The following ELMOD3 variants were observed in gnomAD, a reference collection of about 807,000 sequenced individuals.
The protein encoded by ELMOD3 is ELMO domain-containing protein 3.
ELMOD3 carries 36 observed loss-of-function variants against 47.4 expected under a neutral mutation model. That is an observed-to-expected ratio of 0.76 (90% CI 0.58 to 1.00). The LOEUF is 1.00. ELMOD3 is among the 50% of genes least tolerant of loss of function. The probability of loss-of-function intolerance (pLI) is 0.00; values close to 1 mark genes in which losing one functional copy is unlikely to be tolerated. For missense variants in ELMOD3, 404 were observed against 463.8 expected (o/e 0.87, Z 1.18); for synonymous variants, 149 against 183.5 (o/e 0.81, Z 1.52).
intron 11 of ELMOD3, among the ~76,000 whole-genome samples, chr2:85,379,037 T>C (rs1029530404): frequency 4.6e-5 from 7 of 152,182 alleles, no homozygotes; most frequent in Non-Finnish European, 8.8e-5. Flanking sequence ...AGTAGGCAGG[T>C]ATGAAAGTGG....
chr2:85,374,080 C>T (rs1451481375), intron 10 of ELMOD3, among the ~76,000 whole-genome samples: 1 of 151,870 alleles, frequency 6.6e-6, no homozygotes, highest in Non-Finnish European at 1.5e-5. Context: ...GTTGACAGTT[C>T]TTTTTTTTCA....
At chr2:85,381,770 T>G (rs1388220259) in intron 11 of ELMOD3, among the ~76,000 whole-genome samples, 7 of 152,176 alleles carry the variant, frequency 4.6e-5, no homozygotes, top group Non-Finnish European at 8.8e-5. Context: ...ATGCAGTTTA[T>G]TCTGATTGGC....
At chr2:85,359,395 T>C (rs1039144293) in intron 4 of ELMOD3, among the ~76,000 whole-genome samples, 1 of 150,742 alleles carries the variant, frequency 6.6e-6, no homozygotes, top group Non-Finnish European at 1.5e-5. Context: ...CACAGTAGTT[T>C]TACATGACTC....
At position 85,387,586 on chromosome 2, in the gene ELMOD3, C is replaced by T. The variant is rs1353013296; in HGVS notation, c.739-2165C>T. 2.0e-5 allele frequency among the ~76,000 whole-genome samples: 3 copies of T among 147,262 alleles called. No homozygotes were observed. The Admixed American group carries it at 2.1e-4, about 10-fold the overall frequency. ...CTGAGGCAGGAAAATCCCTTGAACC[C>T]AGGAGACAGAGGTTGCAGTGAACCG... On this transcript the variant is annotated intron_variant, in intron 11 of 13. Transcript: ENST00000409013.
chr2:85,357,395 T>C (rs113017728), intron 4 of ELMOD3, 143 bp downstream of exon 4: 4 of 499,994 alleles, frequency 8.0e-6, no homozygotes, highest in African/African-American at 4.0e-5. Flanking sequence ...GGAGCTTCTA[T>C]TCACCTCAGG....
At chr2:85,380,820 T>C (rs1245829610) in intron 11 of ELMOD3, among the ~76,000 whole-genome samples, 1 of 152,214 alleles carries the variant, frequency 6.6e-6, no homozygotes, top group African/African-American at 2.4e-5. Context: ...CCACCATGCC[T>C]GGCCTTTTAT....
chr2:85,377,403 T>TCAG lies in ELMOD3; in HGVS notation c.667_668insCAG (p.Tyr223delinsSerAsp). On this transcript the variant is annotated protein_altering_variant, in exon 11 of 14. Coordinates refer to ENST00000409013, the MANE Select transcript of ELMOD3 (RefSeq NM_001135022.2). ...CTTCCTTGCCCTCCTGCATCTGCTC[T>TCAG]ACCTGGTGATGGACTCAAAGACCTT... is the stretch of plus-strand genomic sequence containing the variant. The TCAG allele has an allele frequency of 6.2e-7, 1 of 1,611,666 alleles. No individual in the cohort carries two copies. The highest frequency in any genetic ancestry group is 8.5e-7 in the Non-Finnish European group (1 of 1,178,852).
rs557345712 is a variant in ELMOD3, at chr2:85,371,101, A to G, written c.376A>G (p.Thr126Ala). The G allele has an allele frequency of 1.2e-6, 2 of 1,614,122 alleles. No individual in the cohort carries two copies. Among genetic ancestry groups the G allele is most frequent in the East Asian group, 2.2e-5 (1 of 44,874 alleles). ...LSPFKKRIQP[T>A]IRRTGLAALR... is the part of the protein sequence containing the mutation. The stretch of plus-strand genomic sequence containing the variant: ...TCTTCCCCAGAAAAGAATCCAGCCA[A>G]CTATTCGAAGGACTGGGCTCGCCGC... The change falls in exon 9 of 14, where the codon ACT (threonine) becomes GCT (alanine). Residue 126 changes from threonine (T) to alanine (A), a missense_variant. Physicochemically the swap from Thr to Ala is moderately conservative, Grantham distance 58. Transcript: ENST00000409013.
At position 85,371,097 on chromosome 2, in the gene ELMOD3, G is replaced by A. The variant is rs749063389; in HGVS notation, c.372G>A (p.Gln124=). ...VDLSPFKKRI[Q]PTIRRTGLAA... ...AACTTCTTCCCCAGAAAAGAATCCA[G>A]CCAACTATTCGAAGGACTGGGCTCG... The change falls in exon 9 of 14, where the codon CAG becomes CAA. Residue 124 remains glutamine, a synonymous_variant. Transcript: ENST00000409013. 54 of 1,613,934 alleles carry A rather than the reference G, an allele frequency of 3.3e-5. No homozygotes were observed. Among genetic ancestry groups the A allele is most frequent in the Middle Eastern group, 1.6e-4 (1 of 6,082 alleles).
At chr2:85,357,447 T>C (rs920986417) in intron 4 of ELMOD3, 195 bp downstream of exon 4, 5 of 419,308 alleles carry the variant, frequency 1.2e-5, no homozygotes, top group Admixed American at 8.7e-5. Context: ...AAGTGAGTTA[T>C]GAGATTTTTG....
At chr2:85,360,793 CTTTAATGATGT>C (rs2104497167) in intron 4 of ELMOD3, 1 of 270,734 alleles carries the variant, frequency 3.7e-6, no homozygotes, top group African/African-American at 2.3e-5. Context: ...TTTACATAAT[CTTTAATGATGT>C]TGATCAGGAA....
rs372457097 is a variant in ELMOD3, at chr2:85,376,604, G to A, written c.608-740G>A. Among the ~76,000 whole-genome samples, 1 of 152,200 alleles carries A rather than the reference G, an allele frequency of 6.6e-6. No individual in the cohort carries two copies. The highest frequency in any genetic ancestry group is 2.1e-4 in the South Asian group (1 of 4,834). On this transcript the variant is annotated intron_variant, in intron 10 of 13. Transcript: ENST00000409013. This position sits in a 1 kb window ranked among gnomAD's most constrained non-coding sequence, Gnocchi z 4.2. ...GACGCTACCCTTGTGGAGCTAAGGG[G>A]TGCCTTGATACAGTTAGGCCAGGAT...
rs975661961 is a variant in ELMOD3, at chr2:85,391,543, C to T, written c.*581C>T. 3 of 153,782 alleles carry T rather than the reference C, an allele frequency of 2.0e-5. No homozygotes were observed. The highest frequency in any genetic ancestry group is 7.2e-5 in the African/African-American group (3 of 41,454). 9.5% of individuals were successfully genotyped at this position (153,782 alleles called of 1,614,324 possible). Reference sequence around the variant, plus strand: ...GTTTCTGGCCATTCACTTACCCACTCTCTTCTCCCCCTGACCCCCGCTCCA... The same window carrying T: ...GTTTCTGGCCATTCACTTACCCACTTTCTTCTCCCCCTGACCCCCGCTCCA... On this transcript the variant is annotated 3_prime_UTR_variant, in exon 14 of 14. Transcript: ENST00000409013.
chr2:85,378,865 C>T (rs1017369756), intron 11 of ELMOD3, among the ~76,000 whole-genome samples: 4 of 152,054 alleles, frequency 2.6e-5, no homozygotes, highest in African/African-American at 4.8e-5. Flanking sequence ...TATTCCTAGA[C>T]GGATAGGTCC....
At chr2:85,384,255 A>G (rs1371928696) in intron 11 of ELMOD3, among the ~76,000 whole-genome samples, 1 of 152,228 alleles carries the variant, frequency 6.6e-6, no homozygotes, top group Non-Finnish European at 1.5e-5. Flanking sequence ...GGAACCCAAG[A>G]TATTTTGTTT....
chr2:85,387,448 G>C (rs1218122466), intron 11 of ELMOD3, among the ~76,000 whole-genome samples: 1 of 151,944 alleles, frequency 6.6e-6, no homozygotes, highest in Non-Finnish European at 1.5e-5. Context: ...GATCACTTGA[G>C]GTCAGGACTT....
At chr2:85,371,688 G>A (rs1005236600) in intron 10 of ELMOD3, 126 bp downstream of exon 10, 5 of 1,424,254 alleles carry the variant, frequency 3.5e-6, no homozygotes, top group Non-Finnish European at 4.8e-6. Flanking sequence ...CGGGAAGAGG[G>A]TGCAGCAAAT....
intron 10 of ELMOD3, among the ~76,000 whole-genome samples, chr2:85,374,802 ACT>A (rs1295698340): frequency 6.6e-6 from 1 of 151,694 alleles, no homozygotes; most frequent in African/African-American, 2.4e-5. Context: ...ACAAAGTGAG[ACT>A]CTGTCTCAAA....
chr2:85,367,955 C>T (rs1684512364), intron 6 of ELMOD3, among the ~76,000 whole-genome samples: 1 of 151,822 alleles, frequency 6.6e-6, no homozygotes, highest in Non-Finnish European at 1.5e-5. Flanking sequence ...CTCTGTTGCC[C>T]AGGCTGGAGT....
Sources: allele counts gnomAD v4.1 joint callset (sites outside exome capture counted in the v4.1 genomes callset), GRCh38; gene constraint gnomAD v4.1.1; non-coding constraint Gnocchi (gnomAD v3.1); transcripts MANE v1.5; gene names NCBI Gene and HGNC (gene_info 2026-07-23, HGNC 2026-07-21).